Variants in RFX4 observed in about 807,000 individuals in gnomAD.
RFX4 encodes the protein transcription factor RFX4.
In RFX4, 10 loss-of-function variants were observed where a neutral mutation model predicts 95.0. The ratio of observed to expected loss-of-function variants is 0.11; its 90% CI spans 0.06 to 0.18. The LOEUF is 0.18. RFX4 is among the 10% of genes least tolerant of loss of function. The pLI is 1.00. For synonymous variants in RFX4, 321 were observed against 340.7 expected, an observed-to-expected ratio of 0.94 and a Z score of 0.64; for missense variants, 640 against 922.0, an observed-to-expected ratio of 0.69 and a Z score of 3.96.
chr12:106,749,342 T>C (rs1427231481), intron 16 of RFX4, among the ~76,000 whole-genome samples: 1 of 151,526 alleles, frequency 6.6e-6, no homozygotes, highest in Non-Finnish European at 1.5e-5. Context: ...ACAGACCAGT[T>C]GTGGGGGACA....
chr12:106,761,070 T>C, intron 17 of RFX4, 127 bp from the exon 18 acceptor site: 2 of 1,026,774 alleles, frequency 1.9e-6, no homozygotes, highest in Non-Finnish European at 2.9e-6. Context: ...GTTCAGTGAT[T>C]CTTCTCCATC....
chr12:106,711,139 T>C (rs2042184911), intron 9 of RFX4, among the ~76,000 whole-genome samples: 1 of 152,232 alleles, frequency 6.6e-6, no homozygotes, highest in Non-Finnish European at 1.5e-5. Flanking sequence ...ATTAGCGAAA[T>C]GAAAGACAAG....
At chr12:106,634,599 T>C (rs540003331) in intron 2 of RFX4, among the ~76,000 whole-genome samples, 1 of 152,328 alleles carries the variant, frequency 6.6e-6, no homozygotes, top group South Asian at 2.1e-4. Context: ...CATACTCACC[T>C]GGATCCACTC....
At chr12:106,605,238 C>T (rs752259492) in intron 1 of RFX4, among the ~76,000 whole-genome samples, 1 of 152,158 alleles carries the variant, frequency 6.6e-6, no homozygotes, top group Non-Finnish European at 1.5e-5. Flanking sequence ...ATTCAGTATA[C>T]ATGTCATTCT....
intron 3 of RFX4, among the ~76,000 whole-genome samples, chr12:106,649,102 T>C (rs911822303): frequency 6.6e-6 from 1 of 152,054 alleles, no homozygotes; most frequent in African/African-American, 2.4e-5. Flanking sequence ...TTTGTGATCA[T>C]TAAAAAAAAC....
intron 4 of RFX4, among the ~76,000 whole-genome samples, chr12:106,663,694 T>A (rs1031698433): frequency 3.3e-5 from 5 of 151,848 alleles, no homozygotes; most frequent in Non-Finnish European, 5.9e-5. Flanking sequence ...AGCTGTAGGT[T>A]TTTTGTAGAT....
chr12:106,720,845 G>C lies in RFX4; in HGVS notation c.1320G>C (p.Arg440=). 6.2e-7 allele frequency: 1 copy of C among 1,613,126 alleles called. No homozygotes were observed. Among genetic ancestry groups the C allele is most frequent in the Non-Finnish European group, 8.5e-7 (1 of 1,180,014 alleles). Reference sequence around the variant, plus strand: ...CCTGTTTCGGCACAAGGGTGATCCGGGACATGACCTTGCACAGCGCCCCCA... The same window carrying C: ...CCTGTTTCGGCACAAGGGTGATCCGCGACATGACCTTGCACAGCGCCCCCA... ...MWSCFGTRVI[R]DMTLHSAPSF... Residue 440 remains arginine (R), a synonymous_variant, in exon 13 of 18, where the codon CGG becomes CGC. Coordinates refer to ENST00000392842, the MANE Select transcript of RFX4 (RefSeq NM_213594.3). The surrounding 1 kb of genome is among the most constrained non-coding windows in gnomAD (Gnocchi z 4.2).
chr12:106,604,172 G>C (rs1047319197), intron 1 of RFX4, among the ~76,000 whole-genome samples: 1 of 146,244 alleles, frequency 6.8e-6, no homozygotes, highest in Non-Finnish European at 1.5e-5. Flanking sequence ...CCAGGCTGGA[G>C]TGCAGTGGTG....
At chr12:106,708,547 G>C (rs150093380) in intron 8 of RFX4, among the ~76,000 whole-genome samples, 2 of 152,138 alleles carry the variant, frequency 1.3e-5, no homozygotes, top group Admixed American at 6.5e-5. Context: ...TGGGTGAAAG[G>C]CTGAACCAGG....
intron 6 of RFX4, among the ~76,000 whole-genome samples, chr12:106,687,516 T>C (rs2041684232): frequency 6.9e-6 from 1 of 145,160 alleles, no homozygotes; most frequent in Admixed American, 7.1e-5. Context: ...ACCATTGCAC[T>C]GCAGCCTGGG....
chr12:106,612,793 G>T (rs953164664), intron 2 of RFX4, among the ~76,000 whole-genome samples: 6 of 151,370 alleles, frequency 4.0e-5, no homozygotes, highest in African/African-American at 1.5e-4. Context: ...AGCCAAGATT[G>T]CACCACTGCA....
At chr12:106,645,124 T>C (rs1056974184) in intron 3 of RFX4, among the ~76,000 whole-genome samples, 7 of 152,144 alleles carry the variant, frequency 4.6e-5, no homozygotes, top group Non-Finnish European at 7.3e-5. Flanking sequence ...ACACGTGATC[T>C]GGAGGCAACT....
At chr12:106,606,370 G>A (rs192900247) in intron 1 of RFX4, among the ~76,000 whole-genome samples, 5 of 152,282 alleles carry the variant, frequency 3.3e-5, no homozygotes, top group African/African-American at 9.6e-5. Context: ...TTTGGTGGAG[G>A]CAGGGGCTGC....
At chr12:106,631,402 A>G (rs932270963) in intron 2 of RFX4, among the ~76,000 whole-genome samples, 1 of 152,220 alleles carries the variant, frequency 6.6e-6, no homozygotes, top group Non-Finnish European at 1.5e-5. Context: ...AACAAGGCAG[A>G]CCCAGTGGTC....
chr12:106,682,156 G>T (rs2041528067), intron 5 of RFX4, 102 bp downstream of exon 5: 6 of 1,205,044 alleles, frequency 5.0e-6, no homozygotes, highest in Non-Finnish European at 7.3e-6. Flanking sequence ...TGCAGGCCTG[G>T]CAGAAGTCTG....
chr12:106,754,539 C>A (rs2043074170), intron 17 of RFX4, among the ~76,000 whole-genome samples: 2 of 152,192 alleles, frequency 1.3e-5, no homozygotes, highest in South Asian at 4.1e-4. Context: ...TCCTTCTTCA[C>A]TTCCTCATTC....
intron 1 of RFX4, among the ~76,000 whole-genome samples, chr12:106,601,620 T>C (rs985120231): frequency 3.9e-5 from 6 of 152,240 alleles, no homozygotes; most frequent in Admixed American, 2.6e-4. Flanking sequence ...CTCCCTGTTC[T>C]CATCCAGTGC....
chr12:106,689,852 C>A (rs149438540), intron 7 of RFX4, among the ~76,000 whole-genome samples: 35 of 152,108 alleles, frequency 2.3e-4, no homozygotes, highest in African/African-American at 8.0e-4. Context: ...ATTAGTAGGG[C>A]CATCGTTAAA....
At chr12:106,738,878 T>C (rs976487659) in intron 15 of RFX4, among the ~76,000 whole-genome samples, 1 of 152,210 alleles carries the variant, frequency 6.6e-6, no homozygotes, top group African/African-American at 2.4e-5. Context: ...TCTATTACGG[T>C]AGGCTTCTTA....
Sources: allele counts gnomAD v4.1 joint callset (sites outside exome capture counted in the v4.1 genomes callset), GRCh38; gene constraint gnomAD v4.1.1; non-coding constraint Gnocchi (gnomAD v3.1); transcripts MANE v1.5; gene names NCBI Gene and HGNC (gene_info 2026-07-23, HGNC 2026-07-21).